Variants in GPRIN3 observed in about 807,000 individuals in gnomAD.
GPRIN3 encodes GPRIN family member 3, also known as G protein-regulated inducer of neurite outgrowth 3.
GPRIN3 carries 12 observed loss-of-function variants against 13.7 expected under a neutral mutation model. That is an observed-to-expected ratio of 0.87 (90% CI 0.56 to 1.42). The LOEUF is 1.42. Ranked by LOEUF, GPRIN3 falls within the 40% of genes most tolerant of loss-of-function variation. GPRIN3 has a pLI of 0.00. For missense variants in GPRIN3, 1,009 were observed against 958.7 expected (o/e 1.05, Z -0.69); for synonymous variants, 377 against 372.7 (o/e 1.01, Z -0.13).
intron 1 of GPRIN3, among the ~76,000 whole-genome samples, chr4:89,264,475 CACAA>C (rs1319190454): frequency 2.0e-5 from 3 of 152,176 alleles, no homozygotes; most frequent in Non-Finnish European, 4.4e-5. Flanking sequence ...TTTATAACAA[CACAA>C]ACAAACTAAG....
chr4:89,285,222 G>A (rs967213973), intron 1 of GPRIN3, among the ~76,000 whole-genome samples: 1 of 151,860 alleles, frequency 6.6e-6, no homozygotes, highest in Non-Finnish European at 1.5e-5. Flanking sequence ...CAGGGGGCGG[G>A]GGAGGGACAA....
Position 89,242,045 on chromosome 4 carries a change from T to G in GPRIN3, c.*5735A>C, listed in dbSNP as rs1722958642. The G allele has an allele frequency of 6.6e-6, 1 of 152,188 alleles. No individual in the cohort carries two copies. Among genetic ancestry groups the G allele is most frequent in the African/African-American group, 2.4e-5 (1 of 41,456 alleles). 9.4% of individuals were successfully genotyped at this position (152,188 alleles called of 1,614,324 possible). A position where few individuals can be genotyped will look rare whatever the true frequency, so the allele number is the denominator to read the frequency against. ...AAAGCTGTTAGCAATTCTCTCCCAT[T>G]TAATTCTTTCTAACATCATTAAATC... On this transcript the variant is annotated 3_prime_UTR_variant, in exon 2 of 2. Coordinates refer to ENST00000609438, the MANE Select transcript of GPRIN3 (RefSeq NM_198281.3).
Position 89,237,220 on chromosome 4 carries a change from C to A in GPRIN3, c.*10560G>T, listed in dbSNP as rs1396758134. ...ACCTCTGTGATATATTTAGAAAAAC[C>A]AGCTTCAGAACATTGCTAAGGTAGT... On this transcript the variant is annotated 3_prime_UTR_variant, in exon 2 of 2. Transcript: ENST00000609438. 1 of 152,114 alleles carries A rather than the reference C, an allele frequency of 6.6e-6. No homozygotes were observed. Among genetic ancestry groups the A allele is most frequent in the Non-Finnish European group, 1.5e-5 (1 of 68,020 alleles). 9.4% of individuals were successfully genotyped at this position (152,114 alleles called of 1,614,324 possible).
At chr4:89,254,597 C>A (rs115125646) in intron 1 of GPRIN3, among the ~76,000 whole-genome samples, 2 of 152,188 alleles carry the variant, frequency 1.3e-5, no homozygotes, top group South Asian at 4.2e-4. Context: ...ATGGTGTATG[C>A]GTATCACATT....
At chr4:89,267,364 T>C (rs1723807975) in intron 1 of GPRIN3, among the ~76,000 whole-genome samples, 1 of 152,106 alleles carries the variant, frequency 6.6e-6, no homozygotes, top group African/African-American at 2.4e-5. Context: ...GTTCTTACTT[T>C]GTTTAAACCA....
intron 1 of GPRIN3, among the ~76,000 whole-genome samples, chr4:89,294,691 C>T (rs1410099611): frequency 6.6e-6 from 1 of 152,110 alleles, no homozygotes; most frequent in African/African-American, 2.4e-5. Flanking sequence ...CAACCACAAC[C>T]AACTACATCC....
rs57752539 is a variant in GPRIN3, at chr4:89,307,269, T to TCACACACACACACACA, written c.-124+330_-124+345dup. On this transcript the variant is annotated intron_variant, in intron 1 of 1. Transcript: ENST00000609438. ...TAAGCATAGGAAAATGAGACAAATG[T>TCACACACACACACACA]CACACACACACACACACACACACAC... 4.2e-3 allele frequency among the ~76,000 whole-genome samples: 617 copies of TCACACACACACACACA among 147,258 alleles called. 4 individuals are homozygous for TCACACACACACACACA. Among genetic ancestry groups the TCACACACACACACACA allele is most frequent in the African/African-American group, 0.015 (580 of 39,852 alleles).
In GPRIN3 at chr4:89,248,427, G is replaced by C. The variant is rs1341377739; in HGVS notation, c.1684C>G (p.Leu562Val). Residue 562 changes from leucine (L) to valine (V), a missense_variant, in exon 2 of 2, where the codon CTA becomes GTA. Transcript: ENST00000609438. Reference sequence around the variant, plus strand: ...TCTTGGGATTTAGGATTGAGCAGTAGGGTTTTGGCATCCGAGGTATCAGTG... The same window carrying C: ...TCTTGGGATTTAGGATTGAGCAGTACGGTTTTGGCATCCGAGGTATCAGTG... ...TGTDTSDAKT[L>V]LLNPKSQESG... 6.2e-7 allele frequency: 1 copy of C among 1,614,028 alleles called. No homozygotes were observed. The highest frequency in any genetic ancestry group is 2.2e-5 in the East Asian group (1 of 44,872).
At chr4:89,305,483 T>C (rs1044284431) in intron 1 of GPRIN3, among the ~76,000 whole-genome samples, 1 of 152,200 alleles carries the variant, frequency 6.6e-6, no homozygotes, top group African/African-American at 2.4e-5. Flanking sequence ...TATCAACATA[T>C]ATTCATGAAA....
At chr4:89,266,661 A>G (rs115897637) in intron 1 of GPRIN3, among the ~76,000 whole-genome samples, 1,846 of 152,340 alleles carry the variant, frequency 0.012, 42 homozygotes, top group African/African-American at 0.038. Context: ...ATTCTTAATT[A>G]CAACTGCATC....
chr4:89,258,552 G>T (rs1028845464), intron 1 of GPRIN3, among the ~76,000 whole-genome samples: 1 of 152,110 alleles, frequency 6.6e-6, no homozygotes, highest in Non-Finnish European at 1.5e-5. Flanking sequence ...ATGAAGAGTG[G>T]AAAATCATGG....
chr4:89,265,164 A>G (rs898555600), intron 1 of GPRIN3, among the ~76,000 whole-genome samples: 10 of 152,342 alleles, frequency 6.6e-5, no homozygotes, highest in South Asian at 2.1e-4. Flanking sequence ...GGGGATAATT[A>G]TAGTTCAAAT....
In GPRIN3 at chr4:89,238,843, A is replaced by G. The variant is rs994660291; in HGVS notation, c.*8937T>C. The G allele has an allele frequency of 2.6e-5, 4 of 152,240 alleles. No homozygotes were observed. The highest frequency in any genetic ancestry group is 9.6e-5 in the African/African-American group (4 of 41,460). 9.4% of individuals were successfully genotyped at this position (152,240 alleles called of 1,614,324 possible). A position where few individuals can be genotyped will look rare whatever the true frequency, so the allele number is the denominator to read the frequency against. On this transcript the variant is annotated 3_prime_UTR_variant, in exon 2 of 2. Transcript: ENST00000609438. ...AGTGGAAACAATAATAACATCAACA[A>G]AAAACAGAATAAATTGTATCTATAT...
intron 1 of GPRIN3, among the ~76,000 whole-genome samples, chr4:89,284,841 A>G (rs913090967): frequency 6.6e-6 from 1 of 152,212 alleles, no homozygotes; most frequent in Non-Finnish European, 1.5e-5. Context: ...TTTAGATTAT[A>G]GTTTAAATGA....
chr4:89,272,312 C>A (rs571425423), intron 1 of GPRIN3, among the ~76,000 whole-genome samples: 2 of 152,274 alleles, frequency 1.3e-5, no homozygotes, highest in East Asian at 3.9e-4. Context: ...AGGCAACAGA[C>A]TCATAAAATG....
chr4:89,298,681 A>G (rs909627348), intron 1 of GPRIN3, among the ~76,000 whole-genome samples: 6 of 151,988 alleles, frequency 3.9e-5, no homozygotes, highest in South Asian at 4.1e-4. Context: ...ATATGTATAT[A>G]TATATATCTC....
chr4:89,261,114 A>G (rs953275187), intron 1 of GPRIN3, among the ~76,000 whole-genome samples: 1 of 152,182 alleles, frequency 6.6e-6, no homozygotes, highest in African/African-American at 2.4e-5. Context: ...TGTAAGACGT[A>G]TTTAATATGA....
chr4:89,289,101 T>C (rs977924893), intron 1 of GPRIN3, among the ~76,000 whole-genome samples: 7 of 150,680 alleles, frequency 4.6e-5, no homozygotes, highest in Non-Finnish European at 8.8e-5. Flanking sequence ...TACTGAAAAT[T>C]CTCTCCTTCA....
intron 1 of GPRIN3, among the ~76,000 whole-genome samples, chr4:89,258,071 G>T (rs1723524368): frequency 6.6e-6 from 1 of 151,230 alleles, no homozygotes; most frequent in Non-Finnish European, 1.5e-5. Context: ...AGGTTCTCTG[G>T]CTGGAGCCCT....
Sources: allele counts gnomAD v4.1 joint callset (sites outside exome capture counted in the v4.1 genomes callset), GRCh38; gene constraint gnomAD v4.1.1; transcripts MANE v1.5; gene names NCBI Gene and HGNC (gene_info 2026-07-23, HGNC 2026-07-21).